Variants in RALGPS1 observed in about 807,000 individuals in gnomAD.
RALGPS1 encodes Ral GEF with PH domain and SH3 binding motif 1.
A neutral mutation model predicts 78.8 loss-of-function variants in RALGPS1; 19 were observed. That is an observed-to-expected ratio of 0.24 (90% CI 0.17 to 0.35). The LOEUF (loss-of-function observed/expected upper bound fraction) is 0.35. RALGPS1 is among the 10% of genes least tolerant of loss of function. RALGPS1 has a pLI of 1.00. For synonymous variants in RALGPS1, 228 were observed against 256.3 expected (o/e 0.89, Z 1.06); for missense variants, 454 against 688.3 (o/e 0.66, Z 3.81).
intron 1 of RALGPS1, among the ~76,000 whole-genome samples, chr9:126,957,616 G>T (rs2038466199): frequency 6.6e-6 from 1 of 152,210 alleles, no homozygotes; most frequent in South Asian, 2.1e-4. Flanking sequence ...GAACAGACAG[G>T]CTGAGTTGGT....
intron 4 of RALGPS1, among the ~76,000 whole-genome samples, chr9:127,023,940 G>A (rs2045715015): frequency 6.7e-6 from 1 of 149,098 alleles, no homozygotes; most frequent in Admixed American, 6.8e-5. Context: ...GGGAAGCTGA[G>A]GCAGAAGAAT....
rs182283724 is a variant in RALGPS1, at chr9:126,968,867, A to G, written c.165+2916A>G. Among the ~76,000 whole-genome samples, 36 of 152,302 alleles carry G rather than the reference A, an allele frequency of 2.4e-4. No homozygotes were observed. The East Asian group carries it at 6.0e-3, about 25-fold the overall frequency. On this transcript the variant is annotated intron_variant, in intron 3 of 18. Transcript: ENST00000259351. ...AGTTCGAGACCAGTTTGATCGACAT[A>G]GAGAAACCAGGTCTCTACTAAAAAT...
In RALGPS1 at chr9:127,205,653, TC is replaced by T. The variant is rs1203611770; in HGVS notation, c.1248-6476del. On this transcript the variant is annotated intron_variant, in intron 14 of 18. Coordinates refer to ENST00000259351, the MANE Select transcript of RALGPS1 (RefSeq NM_014636.3). The surrounding 1 kb of genome is among the most constrained non-coding windows in gnomAD (Gnocchi z 4.0). ...GGACGCTCCTTCCATCTTGTGTCCA[TC>T]CTTCTCTGTGCATATCTGCTTTACC... Among the ~76,000 whole-genome samples the T allele has an allele frequency of 6.6e-6, 1 of 152,242 alleles. No homozygotes were observed. The highest frequency in any genetic ancestry group is 1.5e-5 in the Non-Finnish European group (1 of 68,042).
chr9:127,089,051 T>C (rs1564553747), intron 8 of RALGPS1: 1 of 1,614,210 alleles, frequency 6.2e-7, no homozygotes, highest in South Asian at 1.1e-5. Flanking sequence ...GCTCCGGTAA[T>C]GGCCCCCGCG....
At chr9:127,047,714 G>A (rs1468253391) in intron 5 of RALGPS1, among the ~76,000 whole-genome samples, 1 of 149,796 alleles carries the variant, frequency 6.7e-6, no homozygotes. Context: ...AAAAAAAAAA[G>A]GAAAAAAAGA....
chr9:127,042,351 C>T (rs2047391330), intron 5 of RALGPS1, among the ~76,000 whole-genome samples: 1 of 152,072 alleles, frequency 6.6e-6, no homozygotes, highest in Admixed American at 6.5e-5. Context: ...GTGTGTTTGG[C>T]TCCTTCAGCA....
intron 1 of RALGPS1, among the ~76,000 whole-genome samples, chr9:126,946,159 G>A (rs979942130): frequency 6.6e-6 from 1 of 152,076 alleles, no homozygotes; most frequent in Admixed American, 6.5e-5. Flanking sequence ...TTCTCTGTCC[G>A]TGATGGCCCA....
intron 7 of RALGPS1, among the ~76,000 whole-genome samples, chr9:127,060,881 G>T (rs531001643): frequency 6.6e-6 from 1 of 152,160 alleles, no homozygotes; most frequent in Non-Finnish European, 1.5e-5. Flanking sequence ...TTTTCTTTTT[G>T]ATCTGCCATT....
chr9:127,059,731 C>T (rs2049038835), intron 7 of RALGPS1, among the ~76,000 whole-genome samples: 1 of 151,992 alleles, frequency 6.6e-6, no homozygotes, highest in Non-Finnish European at 1.5e-5. Context: ...CTGTCTGCTG[C>T]ATAGATCCCT....
intron 3 of RALGPS1, among the ~76,000 whole-genome samples, chr9:126,968,047 G>A (rs1240445471): frequency 6.7e-6 from 1 of 148,394 alleles, no homozygotes; most frequent in African/African-American, 2.5e-5. Context: ...TCTGTCGCCA[G>A]GCTGGAGTGC....
intron 7 of RALGPS1, among the ~76,000 whole-genome samples, chr9:127,068,771 G>A (rs964369954): frequency 6.6e-6 from 1 of 152,178 alleles, no homozygotes; most frequent in African/African-American, 2.4e-5. Context: ...TATCCCATAG[G>A]CATTGTGCCC....
chr9:127,196,213 C>G (rs549233651), intron 12 of RALGPS1, among the ~76,000 whole-genome samples: 3 of 152,318 alleles, frequency 2.0e-5, no homozygotes, highest in South Asian at 4.1e-4. Context: ...TCTGCTCACT[C>G]GAGCCTCATA....
At chr9:126,979,963 A>G (rs1306023484) in intron 4 of RALGPS1, among the ~76,000 whole-genome samples, 1 of 152,146 alleles carries the variant, frequency 6.6e-6, no homozygotes, top group Non-Finnish European at 1.5e-5. Flanking sequence ...CTATTTTGTA[A>G]AAGTTTCCCA....
At chr9:127,002,715 C>A (rs12337338) in intron 4 of RALGPS1, among the ~76,000 whole-genome samples, 1 of 150,386 alleles carries the variant, frequency 6.6e-6, no homozygotes, top group Non-Finnish European at 1.5e-5. Flanking sequence ...TTTGTTCTTG[C>A]GATAGTTTAC....
At chr9:127,191,919 G>A (rs2061078846) in intron 11 of RALGPS1, among the ~76,000 whole-genome samples, 1 of 152,046 alleles carries the variant, frequency 6.6e-6, no homozygotes, top group Non-Finnish European at 1.5e-5. Context: ...GGATGGTCTT[G>A]ATCTCCTGAC....
intron 4 of RALGPS1, among the ~76,000 whole-genome samples, chr9:126,996,314 G>A (rs1272966189): frequency 6.6e-6 from 1 of 151,674 alleles, no homozygotes; most frequent in Non-Finnish European, 1.5e-5. Flanking sequence ...AAAGAGAGAA[G>A]AATCAAATAG....
At chr9:127,000,996 C>T (rs1478181045) in intron 4 of RALGPS1, among the ~76,000 whole-genome samples, 4 of 151,354 alleles carry the variant, frequency 2.6e-5, no homozygotes, top group South Asian at 4.2e-4. Flanking sequence ...AAGTTCAGGC[C>T]AGGCGTGGTG....
At chr9:127,105,707 A>C (rs2054154238) in intron 8 of RALGPS1, among the ~76,000 whole-genome samples, 1 of 152,202 alleles carries the variant, frequency 6.6e-6, no homozygotes, top group Non-Finnish European at 1.5e-5. Flanking sequence ...CCTCCCAGAG[A>C]AATCCATTGT....
chr9:127,137,797 G>C (rs149638239), intron 8 of RALGPS1, among the ~76,000 whole-genome samples: 206 of 152,324 alleles, frequency 1.4e-3, no homozygotes, highest in African/African-American at 4.3e-3. Context: ...GCAGCCTGGT[G>C]GGGGCATGTG....
Sources: gnomAD v4.1 joint callset for allele counts (sites outside exome capture counted in the v4.1 genomes callset) on GRCh38, gnomAD v4.1.1 for gene constraint, Gnocchi (gnomAD v3.1) non-coding constraint, MANE v1.5 for transcripts, NCBI Gene and HGNC (gene_info 2026-07-23, HGNC 2026-07-21) for gene names.